VSX2: variants seen among roughly 807,000 people sequenced by gnomAD.
VSX2 encodes the protein visual system homeobox 2, also known as ceh-10 homeo domain containing homolog.
Under a neutral mutation model 32.1 loss-of-function variants are expected in VSX2, and 28 were observed. The observed-to-expected ratio is 0.87, with a 90% CI of 0.65 to 1.20. The LOEUF (loss-of-function observed/expected upper bound fraction) is 1.20, where lower values mean the gene tolerates loss of function less well. Among genes scored for constraint, VSX2 ranks in the 50% most tolerant of loss-of-function variants. The probability of loss-of-function intolerance (pLI) is 0.00; values close to 1 mark genes in which losing one functional copy is unlikely to be tolerated. For missense variants in VSX2, 506 were observed against 488.7 expected (o/e 1.04, Z -0.33); for synonymous variants, 243 against 214.1 (o/e 1.14, Z -1.18).
chr14:74,260,699 GC>G lies in VSX2; in HGVS notation c.870del (p.Asp291ThrfsTer11). ...GACAAGATGGAGCAGGACGAGCGGG[GC>G]CCCGACGCTCAGGCGGCCATCTCCC... ...KLDKMEQDER[G>X]PDAQAAISQE... On this transcript the variant is annotated frameshift_variant, in exon 5 of 5. Coordinates refer to ENST00000261980, the MANE Select transcript of VSX2 (RefSeq NM_182894.3). LOFTEE classifies it high-confidence loss of function. 2 of 1,594,914 alleles carry G rather than the reference GC, an allele frequency of 1.3e-6. No homozygotes were observed. The highest frequency in any genetic ancestry group is 1.8e-5 in the Admixed American group (1 of 56,796).
chr14:74,246,053 C>T (rs2079190108), intron 3 of VSX2, among the ~76,000 whole-genome samples: 2 of 152,200 alleles, frequency 1.3e-5, no homozygotes, highest in Admixed American at 1.3e-4. Context: ...AGGAGTAGGG[C>T]TGTGGAATCA....
At position 74,261,186 on chromosome 14, in the gene VSX2, T is replaced by G. The variant is rs2079305184; in HGVS notation, c.*267T>G. Reference sequence around the variant, plus strand: ...GCCCACAACGTCCCCTCAAGCCCCTTCTCTCAATCCCTTTGCAACGCTCAC... The same window carrying G: ...GCCCACAACGTCCCCTCAAGCCCCTGCTCTCAATCCCTTTGCAACGCTCAC... On this transcript the variant is annotated 3_prime_UTR_variant, in exon 5 of 5. Coordinates refer to ENST00000261980, the MANE Select transcript of VSX2 (RefSeq NM_182894.3). The G allele has an allele frequency of 3.8e-6, 2 of 528,768 alleles. No individual in the cohort carries two copies. The highest frequency in any genetic ancestry group is 6.8e-6 in the Non-Finnish European group (2 of 295,216). The allele number at this position is 528,768 out of a possible 1,614,324, so 32.8% of individuals were successfully genotyped here.
intron 2 of VSX2, among the ~76,000 whole-genome samples, chr14:74,243,634 C>T (rs1010339159): frequency 3.9e-5 from 6 of 151,902 alleles, no homozygotes; most frequent in East Asian, 1.9e-4. Context: ...ATGGCAGAAG[C>T]GAAAAAGCAG....
At position 74,246,106 on chromosome 14, in the gene VSX2, G is replaced by A. The variant is rs1215233245; in HGVS notation, c.579+818G>A. On this transcript the variant is annotated intron_variant, in intron 3 of 4. Transcript: ENST00000261980. ...GGAGTCTGGGCAGGGCCTCCATGAG[G>A]CAGAAGGAGTGGGGTGGGAGGAACA... 2.0e-5 allele frequency among the ~76,000 whole-genome samples: 3 copies of A among 152,264 alleles called. No homozygotes were observed. The East Asian group carries it at 5.8e-4, about 29-fold the overall frequency.
Position 74,259,744 on chromosome 14 carries a change from A to G in VSX2, c.722A>G (p.Lys241Arg). 1 of 1,613,760 alleles carries G rather than the reference A, an allele frequency of 6.2e-7. No homozygotes were observed. Among genetic ancestry groups the G allele is most frequent in the African/African-American group, 1.3e-5 (1 of 75,062 alleles). Residue 241 changes from lysine (K) to arginine (R), a missense_variant, in exon 4 of 5, where the codon AAG (lysine) becomes AGG (arginine). Lys to Arg is a conservative substitution (Grantham distance 26). Transcript: ENST00000261980. ...PLPESILKSA[K>R]DGIMDSCAPW... ...CCCGAGTCCATCCTCAAGTCAGCCAAGGATGGCATCATGGACTCCTGTGCC... is the reference window on the plus strand; with the variant it reads ...CCCGAGTCCATCCTCAAGTCAGCCAGGGATGGCATCATGGACTCCTGTGCC...
intron 3 of VSX2, among the ~76,000 whole-genome samples, chr14:74,248,620 G>A (rs974903149): frequency 2.0e-5 from 3 of 152,010 alleles, no homozygotes; most frequent in Non-Finnish European, 2.9e-5. Flanking sequence ...GAGCCCAAGA[G>A]GTAGAGGCTA....
chr14:74,255,140 C>T (rs1372070549), intron 3 of VSX2, among the ~76,000 whole-genome samples: 1 of 152,132 alleles, frequency 6.6e-6, no homozygotes, highest in Non-Finnish European at 1.5e-5. Flanking sequence ...AGTCAAGTAA[C>T]TTGCCCAAAG....
At chr14:74,248,440 C>T (rs1220272405) in intron 3 of VSX2, among the ~76,000 whole-genome samples, 2 of 151,666 alleles carry the variant, frequency 1.3e-5, no homozygotes, top group African/African-American at 4.8e-5. Context: ...TAATCTCAGC[C>T]CTTTGGGAGG....
In VSX2 at chr14:74,252,131, C is replaced by G. The variant is rs2079232723; in HGVS notation, c.579+6843C>G. ...GATGCCAGGGCGGGAGCTTGCAGGACAGCAGCTATGTGATGATGCAGAGAC... is the reference window on the plus strand; with the variant it reads ...GATGCCAGGGCGGGAGCTTGCAGGAGAGCAGCTATGTGATGATGCAGAGAC... On this transcript the variant is annotated intron_variant, in intron 3 of 4. Coordinates refer to ENST00000261980, the MANE Select transcript of VSX2 (RefSeq NM_182894.3). 2.0e-5 allele frequency among the ~76,000 whole-genome samples: 3 copies of G among 152,236 alleles called. No homozygotes were observed. The South Asian group carries it at 6.2e-4, about 32-fold the overall frequency.
intron 3 of VSX2, among the ~76,000 whole-genome samples, chr14:74,257,652 C>G (rs1456031819): frequency 6.6e-6 from 1 of 151,712 alleles, no homozygotes; most frequent in Non-Finnish European, 1.5e-5. Flanking sequence ...TCCGCGCCGC[C>G]GGGCGCTCAC....
intron 3 of VSX2, among the ~76,000 whole-genome samples, chr14:74,246,706 C>A (rs562278374): frequency 4.8e-4 from 73 of 152,242 alleles, no homozygotes; most frequent in African/African-American, 1.7e-3. Context: ...CAGGTGGCTG[C>A]GGCAGGGAGG....
intron 3 of VSX2, among the ~76,000 whole-genome samples, chr14:74,255,850 T>C (rs2079259398): frequency 6.6e-6 from 1 of 152,150 alleles, no homozygotes; most frequent in Admixed American, 6.5e-5. Flanking sequence ...TTTATAAATT[T>C]GGCATCAAAA....
intron 3 of VSX2, among the ~76,000 whole-genome samples, chr14:74,256,229 G>C (rs1027080200): frequency 2.0e-5 from 3 of 152,142 alleles, no homozygotes; most frequent in Non-Finnish European, 4.4e-5. Context: ...TCAGGAGTTC[G>C]AGACCAGCCT....
chr14:74,260,689 G>C lies in VSX2; in HGVS notation c.856G>C (p.Asp286His). ...ALPKLDKMEQDERGPDAQAAI... is the reference protein window; with the variant it reads ...ALPKLDKMEQHERGPDAQAAI... ...GCCCAAGCTCGACAAGATGGAGCAG[G>C]ACGAGCGGGGCCCCGACGCTCAGGC... The change falls in exon 5 of 5, where the codon GAC (aspartate) becomes CAC (histidine). Residue 286 changes from aspartate to histidine, a missense_variant. Asp to His is a moderately conservative substitution (Grantham distance 81, BLOSUM62 -1). Coordinates refer to ENST00000261980, the MANE Select transcript of VSX2 (RefSeq NM_182894.3). 1.9e-6 allele frequency: 3 copies of C among 1,596,974 alleles called. No individual in the cohort carries two copies. Among genetic ancestry groups the C allele is most frequent in the Non-Finnish European group, 2.6e-6 (3 of 1,172,426 alleles).
chr14:74,241,047 G>T, intron 1 of VSX2, 135 bp from the exon 2 acceptor site: 2 of 849,672 alleles, frequency 2.4e-6, no homozygotes, highest in Non-Finnish European at 3.8e-6. Flanking sequence ...CCACCGGGGC[G>T]CCCGCAGGCT....
intron 3 of VSX2, among the ~76,000 whole-genome samples, chr14:74,257,036 T>G (rs1057365934): frequency 1.3e-5 from 2 of 151,948 alleles, no homozygotes; most frequent in Admixed American, 1.3e-4. Context: ...GAAAGCAGCT[T>G]GCAGCAAGCA....
chr14:74,249,290 A>G (rs1025597753), intron 3 of VSX2, among the ~76,000 whole-genome samples: 4 of 151,822 alleles, frequency 2.6e-5, no homozygotes, highest in South Asian at 2.1e-4. Context: ...TTTTTTTTAG[A>G]GACAGGGTCT....
chr14:74,242,943 G>A (rs145619562), intron 2 of VSX2, among the ~76,000 whole-genome samples: 2 of 152,266 alleles, frequency 1.3e-5, no homozygotes, highest in South Asian at 2.1e-4. Context: ...TCTTCGCCAG[G>A]AACACCTTTG....
intron 3 of VSX2, among the ~76,000 whole-genome samples, chr14:74,247,885 G>A (rs535479260): frequency 1.1e-4 from 17 of 151,922 alleles, no homozygotes; most frequent in African/African-American, 4.1e-4. Context: ...TCAAGAGGGT[G>A]AAAAGCAAGT....
Sources: gnomAD v4.1 joint callset for allele counts (sites outside exome capture counted in the v4.1 genomes callset) on GRCh38, gnomAD v4.1.1 for gene constraint, MANE v1.5 for transcripts, NCBI Gene and HGNC (gene_info 2026-07-23, HGNC 2026-07-21) for gene names.